CNTNAP2: variants seen among roughly 807,000 people sequenced by gnomAD.
CNTNAP2 encodes contactin associated protein 2, also known as contactin-associated protein-like 2.
CNTNAP2 carries 98 observed loss-of-function variants against 155.2 expected under a neutral mutation model. The ratio of observed to expected loss-of-function variants is 0.63; its 90% CI spans 0.54 to 0.75. The LOEUF (loss-of-function observed/expected upper bound fraction) is 0.75. Ranked by LOEUF, CNTNAP2 falls within the 30% of genes least tolerant of loss-of-function variation. CNTNAP2 has a pLI of 0.00. For synonymous variants in CNTNAP2, 651 were observed against 631.2 expected (o/e 1.03, Z -0.47); for missense variants, 1,727 against 1,688.1 (o/e 1.02, Z -0.40).
In CNTNAP2 at chr7:147,108,325, C is replaced by T; in HGVS notation, c.729C>T (p.Ala243=). Residue 243 remains alanine (A), a synonymous_variant, in exon 5 of 24, where the codon GCC becomes GCT. Transcript: ENST00000361727. ...GDYITLELKK[A]KLVLSLNLGS... ...ACATTACCTTGGAACTGAAAAAAGC[C>T]AAGCTGGTCCTCAGTTTAAACTTAG... The T allele has an allele frequency of 6.2e-7, 1 of 1,613,396 alleles. No individual in the cohort carries two copies. Among genetic ancestry groups the T allele is most frequent in the South Asian group, 1.1e-5 (1 of 91,028 alleles).
chr7:148,159,837 T>C (rs1805483348), intron 17 of CNTNAP2, among the ~76,000 whole-genome samples: 1 of 152,238 alleles, frequency 6.6e-6, no homozygotes, highest in African/African-American at 2.4e-5. Flanking sequence ...GCTAGTTAGA[T>C]GTGTTCATGA....
chr7:146,846,791 G>C (rs190654759), intron 3 of CNTNAP2, among the ~76,000 whole-genome samples: 1 of 152,198 alleles, frequency 6.6e-6, no homozygotes, highest in East Asian at 1.9e-4. Context: ...CATATATTAT[G>C]AGATAAAGGA....
chr7:146,852,139 T>A (rs2129203347), intron 3 of CNTNAP2, among the ~76,000 whole-genome samples: 1 of 152,276 alleles, frequency 6.6e-6, no homozygotes, highest in South Asian at 2.1e-4. Context: ...AACATGAACA[T>A]ATGAATTTTG....
chr7:146,440,438 A>G (rs1796305095), intron 1 of CNTNAP2, among the ~76,000 whole-genome samples: 1 of 151,548 alleles, frequency 6.6e-6, no homozygotes, highest in Non-Finnish European at 1.5e-5. Context: ...TTAAAATCCA[A>G]AGAGTGTAAT....
chr7:146,980,046 G>C (rs995179890), intron 3 of CNTNAP2, among the ~76,000 whole-genome samples: 2 of 152,106 alleles, frequency 1.3e-5, no homozygotes, highest in Non-Finnish European at 2.9e-5. Flanking sequence ...GGTTAGTGAT[G>C]CTTTTTCCAT....
chr7:147,062,776 A>G (rs538898857), intron 4 of CNTNAP2, among the ~76,000 whole-genome samples: 8 of 152,272 alleles, frequency 5.3e-5, no homozygotes, highest in Non-Finnish European at 1.2e-4. Flanking sequence ...TGTACTTCCT[A>G]TATTCTCAAC....
At chr7:147,105,172 G>A (rs957434080) in intron 4 of CNTNAP2, among the ~76,000 whole-genome samples, 1 of 151,214 alleles carries the variant, frequency 6.6e-6, no homozygotes, top group East Asian at 1.9e-4. Context: ...TGTTTATATG[G>A]TAAACACTTC....
chr7:147,880,305 T>A (rs1272110844), intron 13 of CNTNAP2, among the ~76,000 whole-genome samples: 1 of 152,134 alleles, frequency 6.6e-6, no homozygotes, highest in Non-Finnish European at 1.5e-5. Context: ...AATAGCAGGA[T>A]GGATGGATTT....
In CNTNAP2 at chr7:147,765,198, T is replaced by C. The variant is rs1257235486; in HGVS notation, c.2098+125892T>C. 2.0e-5 allele frequency among the ~76,000 whole-genome samples: 3 copies of C among 152,146 alleles called. No homozygotes were observed. In the East Asian group the frequency reaches 5.8e-4, roughly 29 times the overall value. On this transcript the variant is annotated intron_variant, in intron 13 of 23. Coordinates refer to ENST00000361727, the MANE Select transcript of CNTNAP2 (RefSeq NM_014141.6). Reference sequence around the variant, plus strand: ...AACAAAACATTCAACACCTATGATATTTTATCATACTCAGCAGTTCAAAAG... The same window carrying C: ...AACAAAACATTCAACACCTATGATACTTTATCATACTCAGCAGTTCAAAAG...
intron 10 of CNTNAP2, among the ~76,000 whole-genome samples, chr7:147,410,815 T>C (rs1355500508): frequency 6.6e-6 from 1 of 152,214 alleles, no homozygotes; most frequent in Non-Finnish European, 1.5e-5. Context: ...AAAATATTAA[T>C]ATTATTGTCA....
chr7:146,989,128 A>G (rs1563033916), intron 3 of CNTNAP2, among the ~76,000 whole-genome samples: 2 of 152,074 alleles, frequency 1.3e-5, no homozygotes, highest in Non-Finnish European at 2.9e-5. Flanking sequence ...TGGGTCTGAG[A>G]TGGAGATAAG....
At chr7:146,378,506 T>A (rs914017750) in intron 1 of CNTNAP2, among the ~76,000 whole-genome samples, 1 of 152,176 alleles carries the variant, frequency 6.6e-6, no homozygotes, top group Admixed American at 6.5e-5. Context: ...ATTATTCTTA[T>A]AAGAATCCTA....
intron 13 of CNTNAP2, among the ~76,000 whole-genome samples, chr7:147,763,438 C>T (rs1454106255): frequency 6.9e-6 from 1 of 144,092 alleles, no homozygotes; most frequent in Non-Finnish European, 1.5e-5. Context: ...TTTTTGGAGA[C>T]GGAAGTGGCA....
intron 1 of CNTNAP2, among the ~76,000 whole-genome samples, chr7:146,627,071 T>A (rs6955024): frequency 6.6e-6 from 1 of 152,128 alleles, no homozygotes; most frequent in Non-Finnish European, 1.5e-5. Flanking sequence ...CTCACAATCA[T>A]GACAGAAGGC....
At chr7:147,822,739 G>A (rs1447502722) in intron 13 of CNTNAP2, among the ~76,000 whole-genome samples, 1 of 152,168 alleles carries the variant, frequency 6.6e-6, no homozygotes, top group Non-Finnish European at 1.5e-5. Flanking sequence ...ATGTTTCAAA[G>A]TTGGATGCTG....
chr7:147,464,534 A>T (rs1410707082), intron 10 of CNTNAP2, among the ~76,000 whole-genome samples: 1 of 150,880 alleles, frequency 6.6e-6, no homozygotes, highest in African/African-American at 2.4e-5. Flanking sequence ...CAAATGTGCT[A>T]TGTGACCTTG....
rs572809318 is a variant in CNTNAP2 at position 148,197,303 on chromosome 7, G to C, written c.3011-19985G>C. On this transcript the variant is annotated intron_variant, in intron 18 of 23. Transcript: ENST00000361727. ...TCCTAGAATTATTCCCTACTTGTTA[G>C]ATTATTTATCCACATATAGATGATT... is the stretch of plus-strand genomic sequence containing the variant. Among the ~76,000 whole-genome samples, 32 of 152,174 alleles carry C rather than the reference G, an allele frequency of 2.1e-4. No individual in the cohort carries two copies. In the South Asian group the frequency reaches 6.7e-3, roughly 32 times the overall value.
chr7:146,602,598 CAT>C (rs1798967874), intron 1 of CNTNAP2, among the ~76,000 whole-genome samples: 1 of 152,170 alleles, frequency 6.6e-6, no homozygotes, highest in Non-Finnish European at 1.5e-5. Flanking sequence ...ACTTTTGTCA[CAT>C]GTCAGTGTTA....
chr7:148,046,391 T>C (rs1197701615), intron 15 of CNTNAP2, among the ~76,000 whole-genome samples: 1 of 152,248 alleles, frequency 6.6e-6, no homozygotes, highest in Non-Finnish European at 1.5e-5. Flanking sequence ...ATAGTTTATA[T>C]TTAATTGAGT....
Sources: gnomAD v4.1 joint callset for allele counts (sites outside exome capture counted in the v4.1 genomes callset) on GRCh38, gnomAD v4.1.1 for gene constraint, MANE v1.5 for transcripts, NCBI Gene and HGNC (gene_info 2026-07-23, HGNC 2026-07-21) for gene names.